PSIP1: variants seen among roughly 807,000 people sequenced by gnomAD.
PSIP1 encodes PC4 and SRSF1 interacting protein 1.
A neutral mutation model predicts 74.7 loss-of-function variants in PSIP1; 19 were observed. The observed-to-expected ratio is 0.25, with a 90% confidence interval of 0.18 to 0.37. The LOEUF (loss-of-function observed/expected upper bound fraction) is 0.37. PSIP1 is among the 10% of genes least tolerant of loss of function. PSIP1 has a pLI of 1.00. For synonymous variants in PSIP1, 222 were observed against 195.3 expected (o/e 1.14, Z -1.14); for missense variants, 601 against 614.3 (o/e 0.98, Z 0.23).
At chr9:15,479,885 T>TA (rs1235468986) in intron 6 of PSIP1, among the ~76,000 whole-genome samples, 198 bp from the exon 7 acceptor site, 8 of 151,900 alleles carry the variant, frequency 5.3e-5, no homozygotes, top group African/African-American at 1.5e-4. Context: ...GAACAACTCT[T>TA]AAAAAAAACA....
intron 3 of PSIP1, among the ~76,000 whole-genome samples, chr9:15,495,460 T>C (rs1434786435): frequency 1.3e-5 from 2 of 152,176 alleles, no homozygotes; most frequent in African/African-American, 2.4e-5. Flanking sequence ...CTGACGGTTA[T>C]GTAAATGCAT....
chr9:15,491,586 T>G (rs2036835510), intron 3 of PSIP1, among the ~76,000 whole-genome samples: 1 of 152,226 alleles, frequency 6.6e-6, no homozygotes. Flanking sequence ...CTTAATTTAC[T>G]AGGAGGTTAT....
At chr9:15,466,661 T>C in intron 15 of PSIP1, 87 bp downstream of exon 15, 2 of 1,019,862 alleles carry the variant, frequency 2.0e-6, no homozygotes, top group East Asian at 2.7e-5. Flanking sequence ...TAACTGCTTA[T>C]TATAGTAAGA....
intron 4 of PSIP1, chr9:15,489,447 A>T (rs2036720949): frequency 6.6e-6 from 1 of 151,860 alleles, no homozygotes; most frequent in African/African-American, 2.4e-5. Flanking sequence ...GTCTCTAGTA[A>T]AAATACAAAA....
At chr9:15,496,914 A>C (rs992542235) in intron 3 of PSIP1, among the ~76,000 whole-genome samples, 9 of 152,322 alleles carry the variant, frequency 5.9e-5, no homozygotes, top group African/African-American at 2.2e-4. Flanking sequence ...AAAAATAACA[A>C]ATAATAACAA....
At chr9:15,466,255 T>A (rs914424024) in intron 15 of PSIP1, among the ~76,000 whole-genome samples, 1 of 152,160 alleles carries the variant, frequency 6.6e-6, no homozygotes, top group African/African-American at 2.4e-5. Flanking sequence ...GGCAGGTGCC[T>A]GTAATCCCAG....
At chr9:15,470,118 TGACTGTA>T (rs879424730) in intron 10 of PSIP1, 125 bp from the exon 11 acceptor site, 2 of 703,104 alleles carry the variant, frequency 2.8e-6, no homozygotes, top group African/African-American at 1.8e-5. Context: ...GCAAAGGAAC[TGACTGTA>T]GCTCTTAGAA....
chr9:15,508,355 T>C (rs1049420473), intron 2 of PSIP1, among the ~76,000 whole-genome samples: 2 of 152,176 alleles, frequency 1.3e-5, no homozygotes, highest in Non-Finnish European at 2.9e-5. Flanking sequence ...ATGGAGGTGT[T>C]TCTCAGAAAA....
intron 10 of PSIP1, 33 bp from the exon 11 acceptor site, chr9:15,470,026 T>C (rs763091852): frequency 1.7e-5 from 26 of 1,554,036 alleles, no homozygotes; most frequent in Middle Eastern, 1.7e-4. Context: ...TTTCAACACA[T>C]TGGAATTTTG....
At chr9:15,496,802 G>A (rs1403927510) in intron 3 of PSIP1, among the ~76,000 whole-genome samples, 3 of 151,912 alleles carry the variant, frequency 2.0e-5, no homozygotes, top group South Asian at 4.1e-4. Flanking sequence ...TTTTAAATTC[G>A]CACACTTTTT....
chr9:15,466,641 G>C, intron 15 of PSIP1, 107 bp downstream of exon 15: 2 of 793,242 alleles, frequency 2.5e-6, no homozygotes, highest in African/African-American at 1.8e-5. Context: ...GGAATTGGGT[G>C]ATCAAAAGAT....
chr9:15,470,644 T>C, intron 10 of PSIP1: 1 of 944,542 alleles, frequency 1.1e-6, no homozygotes, highest in East Asian at 1.0e-4. Context: ...GGTTTTTTTT[T>C]TAAAAAAAAC....
intron 12 of PSIP1, 43 bp downstream of exon 12, chr9:15,469,223 T>C: frequency 1.5e-6 from 2 of 1,360,852 alleles, no homozygotes; most frequent in Non-Finnish European, 2.0e-6. Flanking sequence ...AAGATGAAGC[T>C]ATAAATGCAG....
rs1185357371 is a variant in PSIP1, at chr9:15,465,590, A to C, written c.1533-10T>G. On this transcript the variant is annotated splice_polypyrimidine_tract_variant and intron_variant, in intron 15 of 15. Transcript: ENST00000380733. ...CTCTTCACTGGATGGCCTGAAGAAAAGGGGGAAAGGTACAACTGGAATTAG... is the reference window on the plus strand; with the variant it reads ...CTCTTCACTGGATGGCCTGAAGAAACGGGGGAAAGGTACAACTGGAATTAG... The C allele has an allele frequency of 6.4e-7, 1 of 1,563,150 alleles. No homozygotes were observed. Among genetic ancestry groups the C allele is most frequent in the Non-Finnish European group, 8.8e-7 (1 of 1,140,614 alleles).
intron 3 of PSIP1, among the ~76,000 whole-genome samples, chr9:15,498,134 G>A (rs1392811580): frequency 6.6e-6 from 1 of 152,170 alleles, no homozygotes; most frequent in African/African-American, 2.4e-5. Flanking sequence ...GTCAAGCCGG[G>A]AATGGTGGCT....
In PSIP1 at chr9:15,506,627, A is replaced by T; in HGVS notation, c.83T>A (p.Val28Asp). ...YPHWPARVDE[V>D]PDGAVKPPTN... is the part of the protein sequence containing the mutation. ...GGGTGGCTTTACAGCTCCATCAGGA[A>T]CTTCGTCTACCTAAAAGAAAAGTGA... The change falls in exon 3 of 16, where the codon GTT becomes GAT. Residue 28 changes from valine (V) to aspartate (D), a missense_variant. Physicochemically the swap from Val to Asp is radical, Grantham distance 152. Around this residue, in one of 2 missense-constraint regions of PSIP1, gnomAD observed 63 missense variants for 106.7 expected, o/e 0.59. Coordinates refer to ENST00000380733, the MANE Select transcript of PSIP1 (RefSeq NM_033222.5). The T allele has an allele frequency of 6.2e-7, 1 of 1,610,416 alleles. No individual in the cohort carries two copies. The highest frequency in any genetic ancestry group is 8.5e-7 in the Non-Finnish European group (1 of 1,176,958).
chr9:15,475,208 A>G (rs1310525468), intron 8 of PSIP1, among the ~76,000 whole-genome samples: 4 of 152,178 alleles, frequency 2.6e-5, no homozygotes, highest in Non-Finnish European at 5.9e-5. Flanking sequence ...CTTATTTTCT[A>G]ATGGTCCTAT....
chr9:15,479,284 C>T (rs1158290704), intron 7 of PSIP1, among the ~76,000 whole-genome samples: 1 of 152,102 alleles, frequency 6.6e-6, no homozygotes, highest in Non-Finnish European at 1.5e-5. Flanking sequence ...ATTATAACTC[C>T]ATTTTGAAAT....
rs753988703 is a variant in PSIP1, at chr9:15,478,468, T to TA, written c.629+8dup. ...TTATTGCATAATTATACATTAAAAA[T>TA]AAACTCACATGTCACTCTCTGAAGG... On this transcript the variant is annotated intron_variant, in intron 8 of 15. Transcript: ENST00000380733. The TA allele has an allele frequency of 4.5e-6, 7 of 1,558,374 alleles. No homozygotes were observed. The highest frequency in any genetic ancestry group is 6.2e-6 in the Non-Finnish European group (7 of 1,131,320).
Sources: gnomAD v4.1 joint callset for allele counts (sites outside exome capture counted in the v4.1 genomes callset) on GRCh38, gnomAD v4.1.1 for gene constraint, gnomAD v4.1.1 regional missense constraint, MANE v1.5 for transcripts, NCBI Gene and HGNC (gene_info 2026-07-23, HGNC 2026-07-21) for gene names.